Variants in PARD3 observed in about 807,000 individuals in gnomAD.
PARD3 encodes partitioning defective 3 homolog.
Under a neutral mutation model 155.4 loss-of-function variants are expected in PARD3, and 75 were observed. The ratio of observed to expected loss-of-function variants is 0.48; its 90% CI spans 0.40 to 0.58. The LOEUF (loss-of-function observed/expected upper bound fraction) is 0.58, where lower values mean the gene tolerates loss of function less well. PARD3 is among the 20% of genes least tolerant of loss of function. PARD3 has a pLI of 0.00. For missense variants in PARD3, 1,642 were observed against 1,721.7 expected (o/e 0.95, Z 0.82); for synonymous variants, 576 against 610.5 (o/e 0.94, Z 0.83).
intron 20 of PARD3, among the ~76,000 whole-genome samples, chr10:34,289,437 G>A (rs909784117): frequency 6.6e-6 from 1 of 151,934 alleles, no homozygotes; most frequent in South Asian, 2.1e-4. Flanking sequence ...GGATCCACCC[G>A]CACCAGATTC....
intron 22 of PARD3, among the ~76,000 whole-genome samples, chr10:34,179,168 G>GCA (rs72378504): frequency 0.13 from 12,501 of 94,098 alleles, 537 homozygotes; most frequent in African/African-American, 0.2. Flanking sequence ...GTGCGTGCGC[G>GCA]CACACACACA....
intron 20 of PARD3, among the ~76,000 whole-genome samples, chr10:34,306,988 A>G (rs968765825): frequency 1.3e-5 from 2 of 151,158 alleles, no homozygotes; most frequent in Non-Finnish European, 2.9e-5. Flanking sequence ...CTGGGTTCAC[A>G]CCATTCTCCT....
chr10:34,476,962 C>T (rs1330414002), intron 3 of PARD3, among the ~76,000 whole-genome samples: 5 of 152,174 alleles, frequency 3.3e-5, no homozygotes, highest in Non-Finnish European at 7.3e-5. Context: ...CTGCCTGATT[C>T]ATCTAAAAGT....
At chr10:34,643,373 G>C (rs1208443230) in intron 2 of PARD3, among the ~76,000 whole-genome samples, 4 of 152,238 alleles carry the variant, frequency 2.6e-5, no homozygotes, top group Non-Finnish European at 4.4e-5. Context: ...TCCAGCCATA[G>C]CACATGAACA....
Position 34,303,039 on chromosome 10 carries a change from A to C in PARD3, c.3065+14068T>G, listed in dbSNP as rs1277280040. Among the ~76,000 whole-genome samples the C allele has an allele frequency of 2.7e-5, 4 of 145,534 alleles. No individual in the cohort carries two copies. In the East Asian group the frequency reaches 6.0e-4, roughly 22 times the overall value. On this transcript the variant is annotated intron_variant, in intron 20 of 24. Transcript: ENST00000374788. ...AATGGTTTTACCTCTCAATTACTAAAATCATCACACCTGCTCCAAAACCAA... is the reference window on the plus strand; with the variant it reads ...AATGGTTTTACCTCTCAATTACTAACATCATCACACCTGCTCCAAAACCAA...
chr10:34,743,015 C>T (rs1305940168), intron 1 of PARD3, among the ~76,000 whole-genome samples: 2 of 152,230 alleles, frequency 1.3e-5, no homozygotes, highest in South Asian at 2.1e-4. Context: ...AAGAAAGGAA[C>T]GTAATATCTA....
intron 1 of PARD3, among the ~76,000 whole-genome samples, chr10:34,751,206 T>C (rs1650625169): frequency 9.7e-6 from 1 of 102,658 alleles, no homozygotes; most frequent in Admixed American, 1.0e-4. Flanking sequence ...GTTACAAGTA[T>C]TAAATGTAAT....
At chr10:34,664,258 A>T (rs2093397365) in intron 2 of PARD3, among the ~76,000 whole-genome samples, 1 of 151,644 alleles carries the variant, frequency 6.6e-6, no homozygotes, top group Admixed American at 6.6e-5. Flanking sequence ...GCTGGAGTGC[A>T]GTAGCGTGAT....
At chr10:34,635,385 AGT>A (rs2092432479) in intron 2 of PARD3, among the ~76,000 whole-genome samples, 1 of 152,230 alleles carries the variant, frequency 6.6e-6, no homozygotes, top group Non-Finnish European at 1.5e-5. Flanking sequence ...AGAGCCAGAG[AGT>A]GTGCATTTGG....
At chr10:34,149,122 T>C (rs1454942810) in intron 22 of PARD3, among the ~76,000 whole-genome samples, 1 of 152,148 alleles carries the variant, frequency 6.6e-6, no homozygotes, top group African/African-American at 2.4e-5. Flanking sequence ...GGTGATGGTA[T>C]GTATTAAAAT....
chr10:34,543,671 A>T (rs1529940), intron 2 of PARD3, among the ~76,000 whole-genome samples: 61,151 of 151,752 alleles, frequency 0.4, 12,373 homozygotes, highest in South Asian at 0.45. Context: ...ATATTTTTTT[A>T]AATCACAGTC....
chr10:34,368,024 G>A (rs1368298150), intron 12 of PARD3, among the ~76,000 whole-genome samples: 2 of 152,192 alleles, frequency 1.3e-5, no homozygotes, highest in East Asian at 3.9e-4. Context: ...AGGCCATGGT[G>A]GGTGGATTGC....
At chr10:34,481,502 G>A (rs1208723114) in intron 3 of PARD3, among the ~76,000 whole-genome samples, 1 of 152,118 alleles carries the variant, frequency 6.6e-6, no homozygotes, top group Non-Finnish European at 1.5e-5. Flanking sequence ...GTATCCCCAG[G>A]TCCTTTGCTA....
chr10:34,597,839 C>T (rs967460038), intron 2 of PARD3, among the ~76,000 whole-genome samples: 2 of 151,994 alleles, frequency 1.3e-5, no homozygotes, highest in Non-Finnish European at 2.9e-5. Flanking sequence ...AGCAGGAGGG[C>T]GAACTGCACT....
chr10:34,137,805 C>T (rs751133182), intron 22 of PARD3, among the ~76,000 whole-genome samples: 51 of 152,288 alleles, frequency 3.3e-4, no homozygotes, highest in Middle Eastern at 3.4e-3. Flanking sequence ...CAGCCAACCC[C>T]TAGCCTCTCT....
intron 2 of PARD3, among the ~76,000 whole-genome samples, chr10:34,678,775 C>G (rs948013451): frequency 5.9e-5 from 9 of 151,602 alleles, no homozygotes; most frequent in African/African-American, 2.2e-4. Context: ...GGAGTAAACA[C>G]AAAGAGTAAG....
At chr10:34,341,606 A>G in intron 16 of PARD3, 21 bp downstream of exon 16, 1 of 1,587,474 alleles carries the variant, frequency 6.3e-7, no homozygotes, top group Non-Finnish European at 8.6e-7. Flanking sequence ...CATGTTTTCC[A>G]ACCCTGGACG....
intron 7 of PARD3, among the ~76,000 whole-genome samples, chr10:34,396,285 G>T (rs954702003): frequency 1.3e-5 from 2 of 152,066 alleles, no homozygotes; most frequent in African/African-American, 2.4e-5. Context: ...GGGAAGCGGA[G>T]GTTGCAGTGA....
At chr10:34,551,231 G>A (rs759521766) in intron 2 of PARD3, among the ~76,000 whole-genome samples, 6 of 152,086 alleles carry the variant, frequency 3.9e-5, no homozygotes, top group Non-Finnish European at 7.4e-5. Context: ...CTCATATCCC[G>A]AAGCAGTGCC....
Sources: gnomAD v4.1 joint callset for allele counts (sites outside exome capture counted in the v4.1 genomes callset) on GRCh38, gnomAD v4.1.1 for gene constraint, MANE v1.5 for transcripts, NCBI Gene and HGNC (gene_info 2026-07-23, HGNC 2026-07-21) for gene names.